Variants in GABBR1 observed in about 807,000 individuals in gnomAD.
GABBR1 encodes GABA-B receptor, R1 subunit.
A neutral mutation model predicts 117.7 loss-of-function variants in GABBR1; 35 were observed. That is an observed-to-expected ratio of 0.30 (90% CI 0.23 to 0.39). GABBR1 has a LOEUF of 0.39. Among genes scored for constraint, GABBR1 ranks in the 10% least tolerant of loss-of-function variants. GABBR1 has a pLI of 1.00. For synonymous variants in GABBR1, 442 were observed against 486.6 expected, an observed-to-expected ratio of 0.91 and a Z score of 1.21; for missense variants, 709 against 1,241.8, an observed-to-expected ratio of 0.57 and a Z score of 6.45.
intron 12 of GABBR1, 97 bp from the exon 13 acceptor site, chr6:29,612,711 T>C: frequency 9.3e-7 from 1 of 1,075,228 alleles, no homozygotes; most frequent in South Asian, 1.3e-5. Flanking sequence ...TTTGATGTAA[T>C]TGAGCCTCTG....
chr6:29,620,166 A>G lies in GABBR1; in HGVS notation c.1323+935T>C, dbSNP rs986808580. Reference sequence around the variant, plus strand: ...TGCATGACCTGAGACAAGTCATTAAACCACTCTGAGTCTCATTTTCCTGGT... The same window carrying G: ...TGCATGACCTGAGACAAGTCATTAAGCCACTCTGAGTCTCATTTTCCTGGT... On this transcript the variant is annotated intron_variant, in intron 11 of 22. Transcript: ENST00000377034. This position sits in a 1 kb window ranked among gnomAD's most constrained non-coding sequence, Gnocchi z 4.5. Among the ~76,000 whole-genome samples the G allele has an allele frequency of 2.3e-4, 35 of 152,170 alleles. No individual in the cohort carries two copies. Among genetic ancestry groups the G allele is most frequent in the African/African-American group, 7.7e-4 (32 of 41,438 alleles).
At chr6:29,628,434 T>C (rs892598979) in intron 5 of GABBR1, among the ~76,000 whole-genome samples, 1 of 150,752 alleles carries the variant, frequency 6.6e-6, no homozygotes, top group Admixed American at 6.6e-5. Flanking sequence ...GTCGATACAG[T>C]GAAGCACTGA....
In GABBR1 at chr6:29,603,094, G is replaced by A. The variant is rs751100362; in HGVS notation, c.*449C>T. On this transcript the variant is annotated 3_prime_UTR_variant, in exon 23 of 23. Coordinates refer to ENST00000377034, the MANE Select transcript of GABBR1 (RefSeq NM_001470.4). ...GGCAAGTAAGATGGAAAGAGATTAT[G>A]ACAGTGGAGAAAAGGAGAGGCCCCT... The A allele has an allele frequency of 2.2e-6, 1 of 459,610 alleles. No homozygotes were observed. The highest frequency in any genetic ancestry group is 1.5e-5 in the South Asian group (1 of 64,590). The allele number at this position is 459,610 out of a possible 1,614,324, so 28.5% of individuals were successfully genotyped here.
Position 29,628,055 on chromosome 6 carries a change from G to T in GABBR1, c.497-409C>A, listed in dbSNP as rs1179117821. ...GAGGAGGAGCAGGAGGGAGATGTGG[G>T]GCTGGGAGGGGGCTCTGACGTCACG... is the stretch of plus-strand genomic sequence containing the variant. On this transcript the variant is annotated intron_variant, in intron 5 of 22. Transcript: ENST00000377034. 1.2e-5 allele frequency: 13 copies of T among 1,120,844 alleles called. No homozygotes were observed. In the East Asian group the frequency reaches 4.1e-4, roughly 36 times the overall value. 69.4% of individuals were successfully genotyped at this position (1,120,844 alleles called of 1,614,324 possible).
intron 5 of GABBR1, chr6:29,628,041 G>A (rs1764515161): frequency 2.5e-6 from 3 of 1,197,522 alleles, no homozygotes; most frequent in Non-Finnish European, 3.1e-6. Flanking sequence ...AGGAGGAGCA[G>A]GAGGGAGATG....
chr6:29,614,220 T>C (rs1196183606), intron 11 of GABBR1, among the ~76,000 whole-genome samples: 1 of 152,230 alleles, frequency 6.6e-6, no homozygotes, highest in East Asian at 1.9e-4. Context: ...TAACCTTGTT[T>C]GGCTAAATAA....
intron 11 of GABBR1, among the ~76,000 whole-genome samples, chr6:29,617,606 C>T (rs16867690): frequency 0.098 from 14,896 of 152,182 alleles, 858 homozygotes; most frequent in Middle Eastern, 0.21. Flanking sequence ...AGCCTCAAGT[C>T]CATATTTCTA....
Position 29,620,887 on chromosome 6 carries a change from T to G in GABBR1, c.1323+214A>C, listed in dbSNP as rs772324548. 7.4e-5 allele frequency among the ~76,000 whole-genome samples: 11 copies of G among 148,496 alleles called. No individual in the cohort carries two copies. Among genetic ancestry groups the G allele is most frequent in the Non-Finnish European group, 1.5e-4 (10 of 66,828 alleles). On this transcript the variant is annotated intron_variant, in intron 11 of 22. Coordinates refer to ENST00000377034, the MANE Select transcript of GABBR1 (RefSeq NM_001470.4). The surrounding 1 kb of genome is among the most constrained non-coding windows in gnomAD (Gnocchi z 4.5). ...GGAACCTACTGAACATACAACTCCA[T>G]CGTTTTTTTTTTTTTCTCTCTCTAC... is the stretch of plus-strand genomic sequence containing the variant.
At position 29,606,704 on chromosome 6, in the gene GABBR1, C is replaced by A; in HGVS notation, c.2217+193G>T. 3.2e-6 allele frequency: 2 copies of A among 633,388 alleles called. No individual in the cohort carries two copies. Among genetic ancestry groups the A allele is most frequent in the Non-Finnish European group, 5.5e-6 (2 of 362,528 alleles). The allele number at this position is 633,388 out of a possible 1,614,324, so 39.2% of individuals were successfully genotyped here. ...TCTACACACCCTTCCCAGATTCCCA[C>A]CCCTTCCTTTCTTCAGCTGAATCTG... On this transcript the variant is annotated intron_variant, in intron 18 of 22. Transcript: ENST00000377034. This position sits in a 1 kb window ranked among gnomAD's most constrained non-coding sequence, Gnocchi z 4.5.
intron 4 of GABBR1, chr6:29,629,371 G>C: frequency 1.6e-6 from 1 of 625,522 alleles, no homozygotes; most frequent in Non-Finnish European, 2.9e-6. Flanking sequence ...GGCAGATCTT[G>C]GTTCTGTGGT....
chr6:29,605,541 G>A lies in GABBR1; in HGVS notation c.2439+28C>T. The stretch of plus-strand genomic sequence containing the variant: ...TCTGGGCTGCTGTGGTCAGCCTACA[G>A]GGTCAATGCCATGGGGTCAGTGCTC... On this transcript the variant is annotated intron_variant, in intron 20 of 22. Transcript: ENST00000377034. The surrounding 1 kb of genome is among the most constrained non-coding windows in gnomAD (Gnocchi z 4.2). The A allele has an allele frequency of 6.2e-7, 1 of 1,612,126 alleles. No homozygotes were observed. The highest frequency in any genetic ancestry group is 8.5e-7 in the Non-Finnish European group (1 of 1,179,682).
chr6:29,622,017 C>G lies in GABBR1; in HGVS notation c.1065+87G>C. ...TATTGCCTCAGAGAATCAAAACCTGCCCCCGCCTGGCTTTCCTCTCCAACC... is the reference window on the plus strand; with the variant it reads ...TATTGCCTCAGAGAATCAAAACCTGGCCCCGCCTGGCTTTCCTCTCCAACC... On this transcript the variant is annotated intron_variant, in intron 9 of 22. Transcript: ENST00000377034. The surrounding 1 kb of genome is among the most constrained non-coding windows in gnomAD (Gnocchi z 4.6). 1 of 1,244,160 alleles carries G rather than the reference C, an allele frequency of 8.0e-7. No individual in the cohort carries two copies. Among genetic ancestry groups the G allele is most frequent in the Non-Finnish European group, 1.2e-6 (1 of 854,822 alleles). The allele number at this position is 1,244,160 out of a possible 1,614,324, so 77.1% of individuals were successfully genotyped here.
rs773709031 is a variant in GABBR1 at position 29,607,265 on chromosome 6, C to T, written c.1993-47G>A. 4.7e-5 allele frequency: 70 copies of T among 1,477,876 alleles called. No individual in the cohort carries two copies. In the African/African-American group the frequency reaches 6.4e-4, roughly 13 times the overall value. 91.5% of individuals were successfully genotyped at this position (1,477,876 alleles called of 1,614,324 possible). On this transcript the variant is annotated intron_variant, in intron 16 of 22. Coordinates refer to ENST00000377034, the MANE Select transcript of GABBR1 (RefSeq NM_001470.4). This position sits in a 1 kb window ranked among gnomAD's most constrained non-coding sequence, Gnocchi z 5.0. ...AGGCAGAACAGGGTAGAGTAGTAGC[C>T]GGGACTGCAGTAAGGATGGGCAGAA...
chr6:29,606,957 G>A lies in GABBR1; in HGVS notation c.2157C>T (p.Gly719=). Reference sequence around the variant, plus strand: ...AGATGGCGAGAGTGAGGACATCCATGCCCACCAGCAGGCCCACTGTGGCAT... The same window carrying A: ...AGATGGCGAGAGTGAGGACATCCATACCCACCAGCAGGCCCACTGTGGCAT... ...KLYATVGLLV[G]MDVLTLAIWQ... is the part of the protein sequence containing the mutation. The change falls in exon 18 of 23, where the codon GGC becomes GGT. Residue 719 remains glycine, a synonymous_variant. Transcript: ENST00000377034. The surrounding 1 kb of genome is among the most constrained non-coding windows in gnomAD (Gnocchi z 4.5). 2 of 1,614,238 alleles carry A rather than the reference G, an allele frequency of 1.2e-6. No individual in the cohort carries two copies. The highest frequency in any genetic ancestry group is 1.6e-4 in the Middle Eastern group (1 of 6,062).
chr6:29,611,051 T>C lies in GABBR1; in HGVS notation c.1631-50A>G. On this transcript the variant is annotated intron_variant, in intron 13 of 22. Transcript: ENST00000377034. The surrounding 1 kb of genome is among the most constrained non-coding windows in gnomAD (Gnocchi z 4.6). ...TGACCACAGGTAGCCAAAGAGCTGATCCTAGGCATTTTCAACTTCCCACTT... is the reference window on the plus strand; with the variant it reads ...TGACCACAGGTAGCCAAAGAGCTGACCCTAGGCATTTTCAACTTCCCACTT... 1 of 1,471,674 alleles carries C rather than the reference T, an allele frequency of 6.8e-7. No homozygotes were observed. The highest frequency in any genetic ancestry group is 9.5e-7 in the Non-Finnish European group (1 of 1,052,270). The allele number at this position is 1,471,674 out of a possible 1,614,324, so 91.2% of individuals were successfully genotyped here.
At position 29,602,740 on chromosome 6, in the gene GABBR1, T is replaced by G; in HGVS notation, c.*803A>C. ...ATGGATAAACATGGACGTGTGCAAA[T>G]AGGAAAGACATGACTCAGCATGCTA... On this transcript the variant is annotated 3_prime_UTR_variant, in exon 23 of 23. Coordinates refer to ENST00000377034, the MANE Select transcript of GABBR1 (RefSeq NM_001470.4). The G allele has an allele frequency of 9.0e-6, 3 of 334,246 alleles. No homozygotes were observed. Among genetic ancestry groups the G allele is most frequent in the South Asian group, 2.4e-5 (1 of 41,952 alleles). The allele number at this position is 334,246 out of a possible 1,614,324, so 20.7% of individuals were successfully genotyped here.
Position 29,611,767 on chromosome 6 carries a change from A to C in GABBR1, c.1631-766T>G, listed in dbSNP as rs29255. Among the ~76,000 whole-genome samples the C allele has an allele frequency of 0.053, 7,999 of 152,302 alleles. 272 individuals carry two copies. The highest frequency in any genetic ancestry group is 0.13 in the South Asian group (644 of 4,820). On this transcript the variant is annotated intron_variant, in intron 13 of 22. Coordinates refer to ENST00000377034, the MANE Select transcript of GABBR1 (RefSeq NM_001470.4). This position sits in a 1 kb window ranked among gnomAD's most constrained non-coding sequence, Gnocchi z 4.6. ...GAAGTTCTGCAAATACCTGTGTGCT[A>C]AGTTTCAAGAAAATACAATCTACAA...
intron 14 of GABBR1, among the ~76,000 whole-genome samples, chr6:29,610,049 T>C (rs1163341207): frequency 6.8e-6 from 1 of 147,976 alleles, no homozygotes; most frequent in Non-Finnish European, 1.5e-5. Context: ...ATCCAGAACA[T>C]TGTCCTAAAT....
Position 29,602,948 on chromosome 6 carries a change from G to A in GABBR1, c.*595C>T. On this transcript the variant is annotated 3_prime_UTR_variant, in exon 23 of 23. Transcript: ENST00000377034. ...GGGCACACGCAGGAGAGGGGAGGAT[G>A]CATGTGTGCTGAGCGTGAGTGCACA... The A allele has an allele frequency of 2.2e-6, 1 of 453,644 alleles. No individual in the cohort carries two copies. The highest frequency in any genetic ancestry group is 4.4e-6 in the Non-Finnish European group (1 of 225,616). The allele number at this position is 453,644 out of a possible 1,614,324, so 28.1% of individuals were successfully genotyped here.
Sources: allele counts gnomAD v4.1 joint callset (sites outside exome capture counted in the v4.1 genomes callset), GRCh38; gene constraint gnomAD v4.1.1; non-coding constraint Gnocchi (gnomAD v3.1); transcripts MANE v1.5; gene names NCBI Gene and HGNC (gene_info 2026-07-23, HGNC 2026-07-21).